The following DAAM1 variants were observed in gnomAD, a reference collection of about 807,000 sequenced individuals.
DAAM1 encodes the protein dishevelled associated activator of morphogenesis 1, also known as disheveled-associated activator of morphogenesis 1.
Under a neutral mutation model 130.0 loss-of-function variants are expected in DAAM1, and 52 were observed. That is an observed-to-expected ratio of 0.40 (90% CI 0.32 to 0.50). DAAM1 has a LOEUF of 0.50. Among genes scored for constraint, DAAM1 ranks in the 20% least tolerant of loss-of-function variants. The probability of loss-of-function intolerance (pLI) is 0.61; values close to 1 mark genes in which losing one functional copy is unlikely to be tolerated. For missense variants in DAAM1, 1,134 were observed against 1,303.8 expected (o/e 0.87, Z 2.01); for synonymous variants, 452 against 444.5 (o/e 1.02, Z -0.21).
chr14:59,269,370 G>C (rs2139518272), intron 2 of DAAM1, among the ~76,000 whole-genome samples: 1 of 152,260 alleles, frequency 6.6e-6, no homozygotes, highest in Non-Finnish European at 1.5e-5. Flanking sequence ...AACAGTCAAC[G>C]TGCTTTGAGA....
chr14:59,221,446 C>G (rs1036193235), intron 1 of DAAM1, among the ~76,000 whole-genome samples: 1 of 152,182 alleles, frequency 6.6e-6, no homozygotes, highest in Admixed American at 6.5e-5. Flanking sequence ...ACTAGCTTTC[C>G]TACTACTCAT....
chr14:59,324,780 G>C (rs1303632213), intron 8 of DAAM1, among the ~76,000 whole-genome samples: 1 of 152,168 alleles, frequency 6.6e-6, no homozygotes, highest in East Asian at 1.9e-4. Flanking sequence ...AAAAGATAGT[G>C]CTGGTGGTGA....
chr14:59,319,291 A>G (rs980277603), intron 4 of DAAM1, among the ~76,000 whole-genome samples: 31 of 152,236 alleles, frequency 2.0e-4, no homozygotes, highest in Non-Finnish European at 2.9e-4. Context: ...TTCAGTTGCC[A>G]TAAATGATAC....
At chr14:59,331,729 G>A in intron 14 of DAAM1, 84 bp from the exon 15 acceptor site, 1 of 1,510,680 alleles carries the variant, frequency 6.6e-7, no homozygotes, top group Admixed American at 2.1e-5. Context: ...AAAAATTTGG[G>A]ATAGAAGCAC....
intron 23 of DAAM1, 77 bp from the exon 24 acceptor site, chr14:59,367,352 G>A: frequency 6.6e-7 from 1 of 1,514,184 alleles, no homozygotes; most frequent in Non-Finnish European, 8.8e-7. Flanking sequence ...TCTGGGCTTT[G>A]GTCTTTCTCA....
At chr14:59,202,493 A>G (rs1413597660) in intron 1 of DAAM1, among the ~76,000 whole-genome samples, 1 of 151,862 alleles carries the variant, frequency 6.6e-6, no homozygotes, top group East Asian at 1.9e-4. Context: ...GCAACACCTT[A>G]AAACATCATT....
At chr14:59,201,252 G>C (rs529000027) in intron 1 of DAAM1, among the ~76,000 whole-genome samples, 1 of 152,008 alleles carries the variant, frequency 6.6e-6, no homozygotes, top group South Asian at 2.1e-4. Flanking sequence ...TCTTGGGTTC[G>C]GGAAATGTAG....
Position 59,243,886 on chromosome 14 carries a change from G to T in DAAM1, c.-37-19555G>T, listed in dbSNP as rs1015414576. On this transcript the variant is annotated intron_variant, in intron 1 of 24. Coordinates refer to ENST00000360909, the MANE Select transcript of DAAM1 (RefSeq NM_001270520.2). ...AAGTTCCAAACATTAGCATCCCAGGGATACCTGTATGTCCCTGTTTCTCAA... is the reference window on the plus strand; with the variant it reads ...AAGTTCCAAACATTAGCATCCCAGGTATACCTGTATGTCCCTGTTTCTCAA... Among the ~76,000 whole-genome samples, 21 of 152,252 alleles carry T rather than the reference G, an allele frequency of 1.4e-4. 1 individual carries two copies. The highest frequency in any genetic ancestry group is 3.4e-3 in the Middle Eastern group (1 of 294).
intron 1 of DAAM1, among the ~76,000 whole-genome samples, chr14:59,214,742 A>G (rs1231373004): frequency 6.6e-6 from 1 of 151,628 alleles, no homozygotes; most frequent in Non-Finnish European, 1.5e-5. Context: ...ATTTTTTTTT[A>G]TTCATGGACA....
chr14:59,226,584 G>A (rs1276771926), intron 1 of DAAM1, among the ~76,000 whole-genome samples: 1 of 152,116 alleles, frequency 6.6e-6, no homozygotes, highest in East Asian at 1.9e-4. Context: ...GAATGGAGGT[G>A]GGTCATTCCT....
rs539570970 is a variant in DAAM1, at chr14:59,245,054, CG to C, written c.-37-18380del. ...GATGATCTCAGGGAAGGGAAAAGGA[CG>C]GGGGGGCCAGGGGAAAGGTGATGTA... On this transcript the variant is annotated intron_variant, in intron 1 of 24. Coordinates refer to ENST00000360909, the MANE Select transcript of DAAM1 (RefSeq NM_001270520.2). 6.2e-3 allele frequency among the ~76,000 whole-genome samples: 942 copies of C among 151,848 alleles called. 7 individuals carry two copies. Among genetic ancestry groups the C allele is most frequent in the African/African-American group, 0.022 (910 of 41,354 alleles).
chr14:59,289,207 AC>A (rs1424578123), intron 2 of DAAM1, among the ~76,000 whole-genome samples: 1 of 151,866 alleles, frequency 6.6e-6, no homozygotes, highest in Non-Finnish European at 1.5e-5. Context: ...GAGCCACCAC[AC>A]CCGGCCCAAC....
At chr14:59,327,859 G>A (rs1010040105) in intron 12 of DAAM1, among the ~76,000 whole-genome samples, 8 of 152,150 alleles carry the variant, frequency 5.3e-5, no homozygotes, top group African/African-American at 1.9e-4. Flanking sequence ...ATATGTCTTT[G>A]ATATTATCTC....
chr14:59,320,415 T>C (rs1223119850), intron 4 of DAAM1, 75 bp from the exon 5 acceptor site: 3 of 1,145,512 alleles, frequency 2.6e-6, no homozygotes, highest in Non-Finnish European at 3.8e-6. Flanking sequence ...TGACAAATAA[T>C]CTGTAGGTTT....
At chr14:59,260,729 T>C (rs1277349889) in intron 1 of DAAM1, among the ~76,000 whole-genome samples, 1 of 152,206 alleles carries the variant, frequency 6.6e-6, no homozygotes, top group African/African-American at 2.4e-5. Context: ...TAGGTCAAAA[T>C]GTGTGACCAT....
chr14:59,361,290 C>T (rs886340668), intron 22 of DAAM1, among the ~76,000 whole-genome samples: 1 of 152,174 alleles, frequency 6.6e-6, no homozygotes, highest in Non-Finnish European at 1.5e-5. Context: ...ATTTACTAAG[C>T]AGACAGTGTA....
chr14:59,286,337 T>A (rs1883451007), intron 2 of DAAM1, among the ~76,000 whole-genome samples: 1 of 151,938 alleles, frequency 6.6e-6, no homozygotes, highest in South Asian at 2.1e-4. Flanking sequence ...AAGTTAGATC[T>A]CAAATTAACC....
chr14:59,301,845 A>G (rs1402310640), intron 3 of DAAM1, among the ~76,000 whole-genome samples: 1 of 152,076 alleles, frequency 6.6e-6, no homozygotes, highest in Non-Finnish European at 1.5e-5. Context: ...CAATTTATGG[A>G]TTTGGGGTTT....
intron 2 of DAAM1, chr14:59,265,086 T>C (rs1054591819): frequency 9.2e-5 from 14 of 152,392 alleles, no homozygotes; most frequent in African/African-American, 2.9e-4. Context: ...CATGATTCTT[T>C]GGTCAAGGAC....
Sources: allele counts gnomAD v4.1 joint callset (sites outside exome capture counted in the v4.1 genomes callset), GRCh38; gene constraint gnomAD v4.1.1; transcripts MANE v1.5; gene names NCBI Gene and HGNC (gene_info 2026-07-23, HGNC 2026-07-21).